The following ALG10 variants were observed in gnomAD, a reference collection of about 807,000 sequenced individuals.
ALG10 encodes the protein ALG10 alpha-1,2-glucosyltransferase.
A neutral mutation model predicts 39.2 loss-of-function variants in ALG10; 25 were observed. The observed-to-expected ratio is 0.64, with a 90% CI of 0.46 to 0.89. The LOEUF is 0.89. Ranked by LOEUF, ALG10 falls within the 40% of genes least tolerant of loss-of-function variation. ALG10 has a pLI of 0.00. For missense variants in ALG10, 486 were observed against 546.6 expected, an observed-to-expected ratio of 0.89 and a Z score of 1.11; for synonymous variants, 184 against 193.9, an observed-to-expected ratio of 0.95 and a Z score of 0.42.
rs1333565214 is a variant in ALG10 at position 34,027,231 on chromosome 12, G to A, written c.*316G>A. 1 of 192,232 alleles carries A rather than the reference G, an allele frequency of 5.2e-6. No homozygotes were observed. Among genetic ancestry groups the A allele is most frequent in the Non-Finnish European group, 1.1e-5 (1 of 95,086 alleles). 11.9% of individuals were successfully genotyped at this position (192,232 alleles called of 1,614,324 possible). ...GTATGTACAAGTTTATTAAAACTGGGTATGCTTCATATTACTGGAATGAAT... is the reference window on the plus strand; with the variant it reads ...GTATGTACAAGTTTATTAAAACTGGATATGCTTCATATTACTGGAATGAAT... On this transcript the variant is annotated 3_prime_UTR_variant, in exon 3 of 3. Coordinates refer to ENST00000266483, the MANE Select transcript of ALG10 (RefSeq NM_032834.4).
chr12:34,025,095 C>A (rs1470060934), intron 2 of ALG10, among the ~76,000 whole-genome samples: 1 of 152,050 alleles, frequency 6.6e-6, no homozygotes, highest in Non-Finnish European at 1.5e-5. Context: ...GGATGTAAGG[C>A]TAGAGAAGTA....
chr12:34,023,059 T>G (rs2120685547), intron 1 of ALG10: 1 of 431,222 alleles, frequency 2.3e-6, no homozygotes, highest in African/African-American at 2.0e-5. Flanking sequence ...ACTTTGTCTT[T>G]CCTTGTTTTA....
At chr12:34,022,853 T>C in intron 1 of ALG10, 83 bp downstream of exon 1, 2 of 1,585,982 alleles carry the variant, frequency 1.3e-6, no homozygotes, top group Non-Finnish European at 1.7e-6. Flanking sequence ...TAGACTTCAC[T>C]CGTCCTGTTC....
At position 34,026,692 on chromosome 12, in the gene ALG10, T is replaced by G. The variant is rs780557698; in HGVS notation, c.1199T>G (p.Phe400Cys). The G allele has an allele frequency of 1.2e-6, 2 of 1,613,852 alleles. No individual in the cohort carries two copies. The highest frequency in any genetic ancestry group is 2.7e-5 in the African/African-American group (2 of 75,026). Residue 400 changes from phenylalanine to cysteine, a missense_variant, in exon 3 of 3, where the codon TTC becomes TGC. Physicochemically the swap from Phe to Cys is radical, Grantham distance 205. Coordinates refer to ENST00000266483, the MANE Select transcript of ALG10 (RefSeq NM_032834.4). ...TCAATTTTTTGGAATTTAATGTTTT[T>G]CATATGCTTGTTCACTGTTATAGTT... ...SKSIFWNLMF[F>C]ICLFTVIVPQ...
rs1287332194 is a variant in ALG10, at chr12:34,024,529, G to A, written c.369+370G>A. Among the ~76,000 whole-genome samples, 5 of 152,176 alleles carry A rather than the reference G, an allele frequency of 3.3e-5. No individual in the cohort carries two copies. The South Asian group carries it at 8.3e-4, about 25-fold the overall frequency. On this transcript the variant is annotated intron_variant, in intron 2 of 2. Coordinates refer to ENST00000266483, the MANE Select transcript of ALG10 (RefSeq NM_032834.4). ...CAGACTTTACCTGAGGACTTTTGAT[G>A]TGATAACAGTGCAGGCCCTGGAGGT...
chr12:34,022,693 C>T lies in ALG10; in HGVS notation c.94C>T (p.Arg32Ter), dbSNP rs200314138. 15 of 1,613,932 alleles carry T rather than the reference C, an allele frequency of 9.3e-6. No homozygotes were observed. Among genetic ancestry groups the T allele is most frequent in the African/African-American group, 1.3e-5 (1 of 74,858 alleles). ...CTTCTCCGCCTTCAGCCGGGCGTTG[C>T]GAGAGCCCTACATGGACGAGATCTT... ...LLFSAFSRAL[R>*]EPYMDEIFHL... is the part of the protein sequence containing the mutation. Residue 32 changes from arginine to a stop codon, truncating the protein, a stop_gained, in exon 1 of 3, where the codon CGA becomes TGA. Coordinates refer to ENST00000266483, the MANE Select transcript of ALG10 (RefSeq NM_032834.4). LOFTEE classifies it high-confidence loss of function.
Position 34,022,778 on chromosome 12 carries a change from C to G in ALG10, c.171+8C>G. ...CATTTCTCCCTTTCCCAGGTGGGGTCCCCAACCTGTCCCCACCCCAGGAGA... is the reference window on the plus strand; with the variant it reads ...CATTTCTCCCTTTCCCAGGTGGGGTGCCCAACCTGTCCCCACCCCAGGAGA... On this transcript the variant is annotated splice_region_variant and intron_variant, in intron 1 of 2. Coordinates refer to ENST00000266483, the MANE Select transcript of ALG10 (RefSeq NM_032834.4). 3.1e-6 allele frequency: 5 copies of G among 1,614,074 alleles called. No individual in the cohort carries two copies. The highest frequency in any genetic ancestry group is 1.1e-5 in the South Asian group (1 of 91,076).
chr12:34,026,828 A>C lies in ALG10; in HGVS notation c.1335A>C (p.Ala445=). 5 of 1,613,926 alleles carry C rather than the reference A, an allele frequency of 3.1e-6. No individual in the cohort carries two copies. The highest frequency in any genetic ancestry group is 4.2e-6 in the Non-Finnish European group (5 of 1,179,870). ...TCATTTGTGAACTGAGCTGCTATGC[A>C]GTTGTTAATTTCATAACTTTTTTCA... The part of the protein sequence containing the change: ...SRLICELSCY[A]VVNFITFFIF... Residue 445 remains alanine (A), a synonymous_variant, in exon 3 of 3, where the codon GCA becomes GCC. Coordinates refer to ENST00000266483, the MANE Select transcript of ALG10 (RefSeq NM_032834.4).
At chr12:34,022,464 C>T (rs568387830), upstream of ALG10, 74 of 1,418,798 alleles carry the variant, frequency 5.2e-5, 1 homozygote, top group South Asian at 8.6e-4. Flanking sequence ...TCCCAGCATC[C>T]TTTGCCTTCC....
intron 1 of ALG10, 77 bp downstream of exon 1, chr12:34,022,847 C>T (rs1393992722): frequency 1.3e-6 from 2 of 1,597,286 alleles, no homozygotes; most frequent in East Asian, 2.2e-5. Context: ...CATCCTTAGA[C>T]TTCACTCGTC....
In ALG10 at chr12:34,022,680, C is replaced by T. The variant is rs1342666026; in HGVS notation, c.81C>T (p.Phe27=). 3 of 1,614,178 alleles carry T rather than the reference C, an allele frequency of 1.9e-6. No homozygotes were observed. The highest frequency in any genetic ancestry group is 1.7e-6 in the Non-Finnish European group (2 of 1,180,030). ...TATCCTGCCTCCTCTTCTCCGCCTT[C>T]AGCCGGGCGTTGCGAGAGCCCTACA... The part of the protein sequence containing the change: ...FLVSCLLFSA[F]SRALREPYMD... Residue 27 remains phenylalanine (F), a synonymous_variant, in exon 1 of 3, where the codon TTC becomes TTT. Transcript: ENST00000266483.
In ALG10 at chr12:34,026,816, G is replaced by GAGCTGCTA. The variant is rs1320724317; in HGVS notation, c.1324_1331dup (p.Tyr444Ter). On this transcript the variant is annotated frameshift_variant, in exon 3 of 3. Coordinates refer to ENST00000266483, the MANE Select transcript of ALG10 (RefSeq NM_032834.4). LOFTEE classifies it high-confidence loss of function. The stretch of plus-strand genomic sequence containing the variant: ...CCACATCCAGACTCATTTGTGAACT[G>GAGCTGCTA]AGCTGCTATGCAGTTGTTAATTTCA... 5.6e-6 allele frequency: 9 copies of GAGCTGCTA among 1,613,804 alleles called. No individual in the cohort carries two copies. The Admixed American group carries it at 1.3e-4, about 24-fold the overall frequency.
chr12:34,022,539 G>A lies in ALG10; in HGVS notation c.-61G>A, dbSNP rs1942788141. 6.2e-7 allele frequency: 1 copy of A among 1,613,286 alleles called. No homozygotes were observed. Among genetic ancestry groups the A allele is most frequent in the Non-Finnish European group, 8.5e-7 (1 of 1,179,740 alleles). ...CATTTCGAGCCCAAGTTTCCAGCTC[G>A]GGTTTCCAGGCTCAGAATTTTCCAG... is the stretch of plus-strand genomic sequence containing the variant. On this transcript the variant is annotated 5_prime_UTR_variant, in exon 1 of 3. Coordinates refer to ENST00000266483, the MANE Select transcript of ALG10 (RefSeq NM_032834.4).
In ALG10 at chr12:34,022,705, A is replaced by G. The variant is rs746080540; in HGVS notation, c.106A>G (p.Met36Val). 1.5e-5 allele frequency: 24 copies of G among 1,613,786 alleles called. No individual in the cohort carries two copies. The East Asian group carries it at 1.8e-4, about 12-fold the overall frequency. ...AFSRALREPY[M>V]DEIFHLPQAQ... ...CAGCCGGGCGTTGCGAGAGCCCTAC[A>G]TGGACGAGATCTTCCACCTGCCTCA... Residue 36 changes from methionine (M) to valine (V), a missense_variant, in exon 1 of 3, where the codon ATG becomes GTG. Transcript: ENST00000266483.
chr12:34,024,018 C>G lies in ALG10; in HGVS notation c.228C>G (p.Ile76Met). ...TGTACCTGGTGTCAATTGGAGTGAT[C>G]AAACCTGCCATTTGGATCTTTGGAT... ...PGLYLVSIGV[I>M]KPAIWIFGWS... is the part of the protein sequence containing the mutation. Residue 76 changes from isoleucine (I) to methionine (M), a missense_variant, in exon 2 of 3, where the codon ATC (isoleucine) becomes ATG (methionine). Coordinates refer to ENST00000266483, the MANE Select transcript of ALG10 (RefSeq NM_032834.4). The G allele has an allele frequency of 6.2e-7, 1 of 1,614,118 alleles. No homozygotes were observed. The highest frequency in any genetic ancestry group is 8.5e-7 in the Non-Finnish European group (1 of 1,180,006).
rs1418195338 is a variant in ALG10 at position 34,026,631 on chromosome 12, G to T, written c.1138G>T (p.Ala380Ser). 1 of 1,613,858 alleles carries T rather than the reference G, an allele frequency of 6.2e-7. No homozygotes were observed. ...TTTGTTAGTTCCAGCCTATATATTT[G>T]CTGGTTGGAGTATAGCTGACTCATT... ...KYLLVPAYIF[A>S]GWSIADSLKS... The change falls in exon 3 of 3, where the codon GCT (alanine) becomes TCT (serine). Residue 380 changes from alanine to serine, a missense_variant. Coordinates refer to ENST00000266483, the MANE Select transcript of ALG10 (RefSeq NM_032834.4).
intron 1 of ALG10, 133 bp downstream of exon 1, chr12:34,022,903 A>G: frequency 1.6e-6 from 2 of 1,226,940 alleles, no homozygotes; most frequent in Non-Finnish European, 1.1e-6. Flanking sequence ...AACTGGGTAT[A>G]GTCTTTTGTT....
Position 34,024,081 on chromosome 12 carries a change from A to G in ALG10, c.291A>G (p.Arg97=). The change falls in exon 2 of 3, where the codon AGA becomes AGG. Residue 97 remains arginine, a synonymous_variant. Transcript: ENST00000266483. ...EHVVCSIGML[R]FVNLLFSVGN... ...TTGTCTGCTCCATTGGGATGCTCAG[A>G]TTTGTTAATCTTCTCTTCAGTGTTG... 1 of 1,614,138 alleles carries G rather than the reference A, an allele frequency of 6.2e-7. No individual in the cohort carries two copies. Among genetic ancestry groups the G allele is most frequent in the Non-Finnish European group, 8.5e-7 (1 of 1,180,026 alleles).
intron 2 of ALG10, among the ~76,000 whole-genome samples, chr12:34,025,303 T>C (rs1374282987): frequency 6.6e-6 from 1 of 152,212 alleles, no homozygotes; most frequent in Admixed American, 6.5e-5. Flanking sequence ...TATATAACTT[T>C]AGACAGGCTC....
Sources: gnomAD v4.1 joint callset for allele counts (sites outside exome capture counted in the v4.1 genomes callset) on GRCh38, gnomAD v4.1.1 for gene constraint, MANE v1.5 for transcripts, NCBI Gene and HGNC (gene_info 2026-07-23, HGNC 2026-07-21) for gene names.